HSF5: variants seen among roughly 807,000 people sequenced by gnomAD.
HSF5 encodes the protein heat shock factor protein 5.
In HSF5, 5 loss-of-function variants were observed where a neutral mutation model predicts 50.8. That is an observed-to-expected ratio of 0.10 (90% confidence interval 0.05 to 0.21). HSF5 has a LOEUF of 0.21. HSF5 is among the 10% of genes least tolerant of loss of function. HSF5 has a pLI of 1.00. For missense variants in HSF5, 564 were observed against 762.6 expected (o/e 0.74, Z 3.07); for synonymous variants, 307 against 307.4 (o/e 1.00, Z 0.02).
Position 58,488,236 on chromosome 17 carries a change from G to A in HSF5, c.39C>T (p.Asn13=), listed in dbSNP as rs1398472385. Residue 13 remains asparagine (N), a synonymous_variant, in exon 1 of 6, where the codon AAC becomes AAT. Coordinates refer to ENST00000323777, the MANE Select transcript of HSF5 (RefSeq NM_001080439.3). The surrounding 1 kb of genome is among the most constrained non-coding windows in gnomAD (Gnocchi z 4.1). ...CCAGGCGCCACAGCTTGGCGGGGAA[G>A]TTGTTGGGGTTGATGGGGGTGGAGA... is the stretch of plus-strand genomic sequence containing the variant. ...ALLSTPINPN[N]FPAKLWRLVN... The A allele has an allele frequency of 4.6e-6, 7 of 1,513,646 alleles. No individual in the cohort carries two copies. Among genetic ancestry groups the A allele is most frequent in the Non-Finnish European group, 5.2e-6 (6 of 1,144,488 alleles). 93.8% of individuals were successfully genotyped at this position (1,513,646 alleles called of 1,614,324 possible). A position where few individuals can be genotyped will look rare whatever the true frequency, so the allele number is the denominator to read the frequency against.
At chr17:58,464,812 T>C (rs1974839384) in intron 3 of HSF5, among the ~76,000 whole-genome samples, 1 of 152,124 alleles carries the variant, frequency 6.6e-6, no homozygotes, top group African/African-American at 2.4e-5. Flanking sequence ...TTTGTACTTT[T>C]AGTAGAAACA....
Position 58,463,849 on chromosome 17 carries a change from A to G in HSF5, c.1021-546T>C, listed in dbSNP as rs562234439. On this transcript the variant is annotated intron_variant, in intron 3 of 5. Transcript: ENST00000323777. ...ATTATTTATTTTTAATAACAAAGCA[A>G]TAGACTAAAATGGCTGTTGCTTTTA... is the stretch of plus-strand genomic sequence containing the variant. Among the ~76,000 whole-genome samples the G allele has an allele frequency of 2.0e-5, 3 of 152,372 alleles. No individual in the cohort carries two copies. In the East Asian group the frequency reaches 5.8e-4, roughly 29 times the overall value.
chr17:58,460,535 A>T (rs1974779979), intron 4 of HSF5, among the ~76,000 whole-genome samples: 1 of 145,336 alleles, frequency 6.9e-6, no homozygotes, highest in South Asian at 2.2e-4. Context: ...TTTGAGACGG[A>T]GTCTCGCTCT....
At chr17:58,474,292 T>C (rs1019527119) in intron 2 of HSF5, among the ~76,000 whole-genome samples, 2 of 152,206 alleles carry the variant, frequency 1.3e-5, no homozygotes, top group Non-Finnish European at 2.9e-5. Flanking sequence ...CAATAAAATT[T>C]TTCATTTACA....
In HSF5 at chr17:58,421,481, A is replaced by G. The variant is rs1974229005; in HGVS notation, c.*879T>C. 1 of 152,372 alleles carries G rather than the reference A, an allele frequency of 6.6e-6. No individual in the cohort carries two copies. The highest frequency in any genetic ancestry group is 2.1e-4 in the South Asian group (1 of 4,828). The allele number at this position is 152,372 out of a possible 1,614,324, so 9.4% of individuals were successfully genotyped here. On this transcript the variant is annotated 3_prime_UTR_variant, in exon 6 of 6. Coordinates refer to ENST00000323777, the MANE Select transcript of HSF5 (RefSeq NM_001080439.3). ...TCACACATTGTACATTTTCCTTTCAAAATAAAAATACTACACATGCATCCT... is the reference window on the plus strand; with the variant it reads ...TCACACATTGTACATTTTCCTTTCAGAATAAAAATACTACACATGCATCCT...
intron 5 of HSF5, among the ~76,000 whole-genome samples, chr17:58,423,604 C>A (rs1478882987): frequency 6.6e-6 from 1 of 151,736 alleles, no homozygotes; most frequent in Non-Finnish European, 1.5e-5. Flanking sequence ...CTCAGCCTCC[C>A]AAGTAGCTGG....
At chr17:58,461,701 G>A (rs764460365) in intron 4 of HSF5, among the ~76,000 whole-genome samples, 7 of 151,966 alleles carry the variant, frequency 4.6e-5, no homozygotes, top group Admixed American at 1.3e-4. Flanking sequence ...GTGGAACCCC[G>A]TCTCTACTAA....
At chr17:58,467,042 G>A in intron 2 of HSF5, 63 bp from the exon 3 acceptor site, 4 of 1,038,002 alleles carry the variant, frequency 3.9e-6, no homozygotes, top group Non-Finnish European at 5.9e-6. Flanking sequence ...CATTCAAGGA[G>A]CTCCCCTCTT....
intron 5 of HSF5, among the ~76,000 whole-genome samples, chr17:58,430,698 G>T (rs533302893): frequency 6.6e-6 from 1 of 152,202 alleles, no homozygotes; most frequent in African/African-American, 2.4e-5. Flanking sequence ...TTTACACTTG[G>T]ACTGAGCTAC....
At chr17:58,425,575 C>CAAAAAAAAA (rs66502039) in intron 5 of HSF5, among the ~76,000 whole-genome samples, 4 of 32,990 alleles carry the variant, frequency 1.2e-4, no homozygotes, top group African/African-American at 1.5e-4. Context: ...ACCTCTATCT[C>CAAAAAAAAA]AAAAAAAAAA....
intron 5 of HSF5, among the ~76,000 whole-genome samples, chr17:58,434,306 A>C (rs527439637): frequency 2.6e-5 from 4 of 152,124 alleles, no homozygotes; most frequent in African/African-American, 9.6e-5. Flanking sequence ...GGCCGGGCGT[A>C]GTGGCTCATG....
intron 5 of HSF5, among the ~76,000 whole-genome samples, chr17:58,450,022 CAAAAAAAAAA>C (rs71143248): frequency 1.3e-5 from 1 of 76,544 alleles, no homozygotes; most frequent in Non-Finnish European, 2.5e-5. Context: ...GACTCCGTCT[CAAAAAAAAAA>C]AAAAAAAAAA....
chr17:58,471,293 G>A (rs1293187925), intron 2 of HSF5, among the ~76,000 whole-genome samples: 1 of 152,188 alleles, frequency 6.6e-6, no homozygotes, highest in Non-Finnish European at 1.5e-5. Flanking sequence ...AGAGGAGAGA[G>A]AGAGCTTCCT....
chr17:58,456,919 G>A (rs1360955265), intron 5 of HSF5, among the ~76,000 whole-genome samples: 1 of 151,874 alleles, frequency 6.6e-6, no homozygotes. Flanking sequence ...GCCTAGGAGT[G>A]CAAGACCAGC....
At chr17:58,436,197 C>T (rs964837772) in intron 5 of HSF5, among the ~76,000 whole-genome samples, 1 of 152,158 alleles carries the variant, frequency 6.6e-6, no homozygotes, top group Non-Finnish European at 1.5e-5. Flanking sequence ...ATTAATCTCA[C>T]ACATTGACTT....
intron 5 of HSF5, among the ~76,000 whole-genome samples, chr17:58,454,077 A>T (rs1974675980): frequency 6.6e-6 from 1 of 152,222 alleles, no homozygotes; most frequent in East Asian, 1.9e-4. Context: ...CTGGTGACAG[A>T]GTGAGACTCT....
At chr17:58,482,120 T>TAAAA (rs61252478) in intron 1 of HSF5, among the ~76,000 whole-genome samples, 1 of 151,706 alleles carries the variant, frequency 6.6e-6, no homozygotes, top group Non-Finnish European at 1.5e-5. Flanking sequence ...AATAAATAAA[T>TAAAA]AAATAAATAA....
At chr17:58,480,656 C>T (rs1975085265) in intron 1 of HSF5, among the ~76,000 whole-genome samples, 1 of 151,872 alleles carries the variant, frequency 6.6e-6, no homozygotes, top group Non-Finnish European at 1.5e-5. Context: ...GTCTTTCAAA[C>T]AATTTTGTAA....
At position 58,430,584 on chromosome 17, in the gene HSF5, G is replaced by A. The variant is rs186361465; in HGVS notation, c.1721-8154C>T. The stretch of plus-strand genomic sequence containing the variant: ...CCTGTCCTTGCACATCAAAACTCTA[G>A]ACTCCCCAGCCTTTGTACTCTGGGA... On this transcript the variant is annotated intron_variant, in intron 5 of 5. Coordinates refer to ENST00000323777, the MANE Select transcript of HSF5 (RefSeq NM_001080439.3). 1.8e-4 allele frequency among the ~76,000 whole-genome samples: 27 copies of A among 152,246 alleles called. No individual in the cohort carries two copies. In the East Asian group the frequency reaches 5.2e-3, roughly 29 times the overall value.
Sources: allele counts gnomAD v4.1 joint callset (sites outside exome capture counted in the v4.1 genomes callset), GRCh38; gene constraint gnomAD v4.1.1; non-coding constraint Gnocchi (gnomAD v3.1); transcripts MANE v1.5; gene names NCBI Gene and HGNC (gene_info 2026-07-23, HGNC 2026-07-21).